The following SEPTIN12 variants were observed in gnomAD, a reference collection of about 807,000 sequenced individuals.
SEPTIN12 encodes septin-12.
A neutral mutation model predicts 37.7 loss-of-function variants in SEPTIN12; 42 were observed. The ratio of observed to expected loss-of-function variants is 1.11; its 90% CI spans 0.87 to 1.44. The LOEUF is 1.44. Ranked by LOEUF, SEPTIN12 falls within the 40% of genes most tolerant of loss-of-function variation. The probability of loss-of-function intolerance (pLI) is 0.00; values close to 1 mark genes in which losing one functional copy is unlikely to be tolerated. For synonymous variants in SEPTIN12, 254 were observed against 196.7 expected (o/e 1.29, Z -2.44); for missense variants, 613 against 479.2 (o/e 1.28, Z -2.61).
chr16:4,778,908 G>A (rs894399255), intron 8 of SEPTIN12, among the ~76,000 whole-genome samples: 1 of 151,772 alleles, frequency 6.6e-6, no homozygotes, highest in Non-Finnish European at 1.5e-5. Flanking sequence ...GGGAGGCCGA[G>A]GCGGGCAGAT....
At chr16:4,787,068 G>T (rs2082466034) in intron 2 of SEPTIN12, among the ~76,000 whole-genome samples, 1 of 152,088 alleles carries the variant, frequency 6.6e-6, no homozygotes, top group Non-Finnish European at 1.5e-5. Flanking sequence ...TAGAGACGGA[G>T]TTTCCCCATG....
At chr16:4,783,910 T>C (rs1015749236) in intron 5 of SEPTIN12, 21 bp downstream of exon 5, 9 of 1,613,712 alleles carry the variant, frequency 5.6e-6, no homozygotes, top group South Asian at 5.5e-5. Flanking sequence ...GGTCCTCGCC[T>C]TGCAGGTGCA....
In SEPTIN12 at chr16:4,778,148, T is replaced by G; in HGVS notation, c.824-11A>C. 6.2e-7 allele frequency: 1 copy of G among 1,614,156 alleles called. No homozygotes were observed. Among genetic ancestry groups the G allele is most frequent in the Non-Finnish European group, 8.5e-7 (1 of 1,179,982 alleles). On this transcript the variant is annotated splice_polypyrimidine_tract_variant and intron_variant, in intron 8 of 9. Transcript: ENST00000268231. ...GCGCCATGTTCTCCACTGCAAGACA[T>G]GGGACTCAGTATGGGCGCTGCTTAG...
chr16:4,783,515 G>A lies in SEPTIN12; in HGVS notation c.673C>T (p.Gln225Ter), dbSNP rs771771089. ...TTGATGTCCTCGTCAAAGCACATCTGGGGGTAGACGTCGATGCAGTGGGTC... is the reference window on the plus strand; with the variant it reads ...TTGATGTCCTCGTCAAAGCACATCTAGGGGTAGACGTCGATGCAGTGGGTC... Reference protein sequence around the residue: ...LRTHCIDVYPQMCFDEDINDK... With the variant: ...LRTHCIDVYP Residue 225 changes from glutamine to a stop codon, truncating the protein, a stop_gained, in exon 7 of 10, where the codon CAG becomes TAG. Coordinates refer to ENST00000268231, the MANE Select transcript of SEPTIN12 (RefSeq NM_144605.5). LOFTEE classifies it high-confidence loss of function. The A allele has an allele frequency of 5.6e-6, 9 of 1,614,118 alleles. No homozygotes were observed. The highest frequency in any genetic ancestry group is 1.1e-5 in the South Asian group (1 of 91,080).
rs1207091892 is a variant in SEPTIN12 at position 4,779,779 on chromosome 16, A to T, written c.734T>A (p.Ile245Asn). Residue 245 changes from isoleucine (I) to asparagine (N), a missense_variant, in exon 8 of 10, where the codon ATC (isoleucine) becomes AAC (asparagine). Ile to Asn is a moderately radical substitution (Grantham distance 149). Coordinates refer to ENST00000268231, the MANE Select transcript of SEPTIN12 (RefSeq NM_144605.5). Reference protein sequence around the residue: ...KILNSKLRDRIPFAVVGADQE... With the variant: ...KILNSKLRDRNPFAVVGADQE... ...GTCAGCCCCTACCACGGCAAAAGGGATTCGGTCCTGGGAAAGGAGAAGACA... is the reference window on the plus strand; with the variant it reads ...GTCAGCCCCTACCACGGCAAAAGGGTTTCGGTCCTGGGAAAGGAGAAGACA... 2.5e-6 allele frequency: 4 copies of T among 1,610,726 alleles called. No homozygotes were observed. The highest frequency in any genetic ancestry group is 3.4e-6 in the Non-Finnish European group (4 of 1,177,060).
At position 4,777,782 on chromosome 16, in the gene SEPTIN12, G is replaced by A. The variant is rs72771909; in HGVS notation, c.*15C>T. 41,622 of 1,495,390 alleles carry A rather than the reference G, an allele frequency of 0.028. 679 individuals carry two copies. The highest frequency in any genetic ancestry group is 0.043 in the Middle Eastern group (201 of 4,640). 92.6% of individuals were successfully genotyped at this position (1,495,390 alleles called of 1,614,324 possible). A position where few individuals can be genotyped will look rare whatever the true frequency, so the allele number is the denominator to read the frequency against. ...GGGACTCAGGAAGCCCAGCAGCCCC[G>A]GGATCCGCCGGTGGTCAGAACTCAT... On this transcript the variant is annotated 3_prime_UTR_variant, in exon 10 of 10. Coordinates refer to ENST00000268231, the MANE Select transcript of SEPTIN12 (RefSeq NM_144605.5).
At chr16:4,784,770 T>C (rs1273097063) in intron 4 of SEPTIN12, among the ~76,000 whole-genome samples, 1 of 16,960 alleles carries the variant, frequency 5.9e-5, no homozygotes, top group Non-Finnish European at 9.3e-5. Context: ...ACACTGTCTC[T>C]AAATAAATAA....
chr16:4,782,961 A>G (rs1027547324), intron 7 of SEPTIN12, among the ~76,000 whole-genome samples: 1 of 148,526 alleles, frequency 6.7e-6, no homozygotes, highest in Non-Finnish European at 1.5e-5. Flanking sequence ...GCTGGAGTGC[A>G]ATGGCGCCAT....
Position 4,784,050 on chromosome 16 carries a change from G to A in SEPTIN12, c.393C>T (p.Gly131=), listed in dbSNP as rs1567566063. ...ACTGCTCGTATTGCTCGTTGATGTA[G>A]CCCAGGATGGGGTCCCAGCTGAGGC... ...NNDNCWDPIL[G]YINEQYEQYL... is the part of the protein sequence containing the mutation. The change falls in exon 5 of 10, where the codon GGC becomes GGT. Residue 131 remains glycine, a synonymous_variant. Coordinates refer to ENST00000268231, the MANE Select transcript of SEPTIN12 (RefSeq NM_144605.5). 5 of 1,614,164 alleles carry A rather than the reference G, an allele frequency of 3.1e-6. No individual in the cohort carries two copies. The highest frequency in any genetic ancestry group is 1.1e-5 in the South Asian group (1 of 91,088).
upstream of SEPTIN12, among the ~76,000 whole-genome samples, chr16:4,791,398 C>T (rs2082548905): frequency 6.6e-6 from 1 of 152,188 alleles, no homozygotes; most frequent in African/African-American, 2.4e-5. Flanking sequence ...GCATTCAGTG[C>T]ACGTTTCTGT....
At chr16:4,790,076 G>T (rs2082528370), upstream of SEPTIN12, 1 of 151,784 alleles carries the variant, frequency 6.6e-6, no homozygotes, top group Non-Finnish European at 1.5e-5. Flanking sequence ...ACCATGCTGG[G>T]CTAATTTTTT....
intron 2 of SEPTIN12, among the ~76,000 whole-genome samples, 186 bp downstream of exon 2, chr16:4,787,294 G>A (rs1018849709): frequency 1.3e-5 from 2 of 152,106 alleles, no homozygotes; most frequent in African/African-American, 2.4e-5. Flanking sequence ...ACCGCTCCAG[G>A]CACATTTTTG....
chr16:4,778,150 G>C lies in SEPTIN12; in HGVS notation c.824-13C>G. 6.2e-7 allele frequency: 1 copy of C among 1,614,110 alleles called. No individual in the cohort carries two copies. The highest frequency in any genetic ancestry group is 1.7e-5 in the Admixed American group (1 of 60,012). ...GCCATGTTCTCCACTGCAAGACATG[G>C]GACTCAGTATGGGCGCTGCTTAGTG... On this transcript the variant is annotated splice_polypyrimidine_tract_variant and intron_variant, in intron 8 of 9. Coordinates refer to ENST00000268231, the MANE Select transcript of SEPTIN12 (RefSeq NM_144605.5).
chr16:4,791,781 G>C (rs988822416), upstream of SEPTIN12, among the ~76,000 whole-genome samples: 1 of 152,052 alleles, frequency 6.6e-6, no homozygotes, highest in Non-Finnish European at 1.5e-5. Context: ...TCTGCCTCCC[G>C]GGTTCAAGTG....
intron 1 of SEPTIN12, chr16:4,787,985 G>T: frequency 3.9e-6 from 1 of 255,370 alleles, no homozygotes; most frequent in Non-Finnish European, 7.6e-6. Flanking sequence ...GCAAAGTCCA[G>T]GATGGGTGTT....
At chr16:4,788,242 G>A (rs938661704) in intron 1 of SEPTIN12, 38 bp downstream of exon 1, 3 of 154,804 alleles carry the variant, frequency 1.9e-5, no homozygotes, top group African/African-American at 4.8e-5. Context: ...AAGAGCCCAC[G>A]GGGGGCAGAG....
At chr16:4,782,409 C>G (rs1035470941) in intron 7 of SEPTIN12, among the ~76,000 whole-genome samples, 1 of 152,182 alleles carries the variant, frequency 6.6e-6, no homozygotes, top group African/African-American at 2.4e-5. Flanking sequence ...CTGCTGTGAA[C>G]ATTCACGTAC....
chr16:4,785,654 G>T, intron 4 of SEPTIN12, 153 bp downstream of exon 4: 1 of 619,600 alleles, frequency 1.6e-6, no homozygotes, highest in African/African-American at 1.8e-5. Context: ...GCGGGCGCCT[G>T]TAATCCCAGC....
upstream of SEPTIN12, among the ~76,000 whole-genome samples, chr16:4,791,722 C>T (rs1158242953): frequency 6.6e-6 from 1 of 152,202 alleles, no homozygotes; most frequent in Non-Finnish European, 1.5e-5. Flanking sequence ...CAGTCTCACT[C>T]TGTCACCCAG....
Sources: gnomAD v4.1 joint callset for allele counts (sites outside exome capture counted in the v4.1 genomes callset) on GRCh38, gnomAD v4.1.1 for gene constraint, MANE v1.5 for transcripts, NCBI Gene and HGNC (gene_info 2026-07-23, HGNC 2026-07-21) for gene names.